Variants in PTER observed in about 807,000 individuals in gnomAD.
PTER encodes N-acetyltaurine hydrolase.
PTER carries 38 observed loss-of-function variants against 29.6 expected under a neutral mutation model. The observed-to-expected ratio is 1.28, with a 90% CI of 0.99 to 1.68. The LOEUF (loss-of-function observed/expected upper bound fraction) is 1.68, where lower values mean the gene tolerates loss of function less well. Among genes scored for constraint, PTER ranks in the 40% most tolerant of loss-of-function variants. The pLI is 0.00. For synonymous variants in PTER, 172 were observed against 154.5 expected (o/e 1.11, Z -0.84); for missense variants, 482 against 427.8 (o/e 1.13, Z -1.12).
intron 1 of PTER, among the ~76,000 whole-genome samples, chr10:16,447,662 G>T (rs1249852094): frequency 6.6e-6 from 1 of 152,038 alleles, no homozygotes; most frequent in Non-Finnish European, 1.5e-5. Flanking sequence ...TTTGTAAGTG[G>T]CTATACTATC....
intron 1 of PTER, among the ~76,000 whole-genome samples, chr10:16,479,103 AG>A (rs202094779): frequency 0.011 from 1,725 of 152,052 alleles, 29 homozygotes; most frequent in African/African-American, 0.04. Context: ...AAAAAAGGAA[AG>A]CTTGGGAATG....
intron 4 of PTER, among the ~76,000 whole-genome samples, chr10:16,508,809 A>G (rs1163596831): frequency 8.5e-5 from 13 of 152,140 alleles, no homozygotes; most frequent in Admixed American, 8.5e-4. Flanking sequence ...TAAGCACTGA[A>G]TGCCCTTTTG....
intron 1 of PTER, among the ~76,000 whole-genome samples, chr10:16,477,438 A>G (rs1343821348): frequency 1.3e-5 from 2 of 152,216 alleles, no homozygotes; most frequent in Non-Finnish European, 2.9e-5. Context: ...CGGCCTTCCA[A>G]AGTGCTGGGA....
intron 1 of PTER, among the ~76,000 whole-genome samples, chr10:16,461,044 C>A (rs1834595586): frequency 6.6e-6 from 1 of 152,078 alleles, no homozygotes; most frequent in Non-Finnish European, 1.5e-5. Context: ...GATATATCGG[C>A]AATATTGTTA....
rs1835622942 is a variant in PTER, at chr10:16,484,735, T to C, written c.351T>C (p.Thr117=). Reference sequence around the variant, plus strand: ...CGTTGAAGAGGCTTGCAGAAGAGACTGGCGTCCATATCATATCTGGAGCCG... The same window carrying C: ...CGTTGAAGAGGCTTGCAGAAGAGACCGGCGTCCATATCATATCTGGAGCCG... ...TQTLKRLAEE[T]GVHIISGAGF... Residue 117 remains threonine (T), a synonymous_variant, in exon 2 of 5, where the codon ACT becomes ACC. Coordinates refer to ENST00000535784, the MANE Select transcript of PTER (RefSeq NM_001261836.2). The C allele has an allele frequency of 1.9e-6, 3 of 1,613,946 alleles. No homozygotes were observed. Among genetic ancestry groups the C allele is most frequent in the South Asian group, 1.1e-5 (1 of 91,070 alleles).
chr10:16,445,033 T>C (rs1369579282), intron 1 of PTER, among the ~76,000 whole-genome samples: 1 of 152,212 alleles, frequency 6.6e-6, no homozygotes, highest in South Asian at 2.1e-4. Context: ...AGGGGTTCAC[T>C]ACACTGCACT....
intron 3 of PTER, among the ~76,000 whole-genome samples, chr10:16,490,755 CT>C (rs1316086914): frequency 6.6e-6 from 1 of 150,902 alleles, no homozygotes; most frequent in Non-Finnish European, 1.5e-5. Flanking sequence ...AAGAAGCTTT[CT>C]ATCTCCATCT....
At chr10:16,475,677 G>A (rs753426546) in intron 1 of PTER, among the ~76,000 whole-genome samples, 1 of 152,166 alleles carries the variant, frequency 6.6e-6, no homozygotes, top group Non-Finnish European at 1.5e-5. Flanking sequence ...CCCACTGTAG[G>A]AAGCACATTC....
intron 1 of PTER, among the ~76,000 whole-genome samples, chr10:16,475,194 G>A (rs1835214118): frequency 6.6e-6 from 1 of 152,136 alleles, no homozygotes; most frequent in South Asian, 2.1e-4. Context: ...CACATTTATA[G>A]CACCATCCCT....
intron 1 of PTER, among the ~76,000 whole-genome samples, chr10:16,438,753 C>A (rs939660220): frequency 6.6e-6 from 1 of 151,184 alleles, no homozygotes; most frequent in African/African-American, 2.4e-5. Flanking sequence ...CATGTGAAAC[C>A]TCTTTTCTTC....
intron 3 of PTER, among the ~76,000 whole-genome samples, chr10:16,491,438 T>G (rs1835894453): frequency 1.3e-5 from 2 of 152,190 alleles, no homozygotes; most frequent in Admixed American, 1.3e-4. Flanking sequence ...ACAGACTCTC[T>G]GAGGTCTGCA....
intron 1 of PTER, among the ~76,000 whole-genome samples, chr10:16,457,434 C>T (rs1834449586): frequency 6.6e-6 from 1 of 152,108 alleles, no homozygotes; most frequent in Non-Finnish European, 1.5e-5. Flanking sequence ...ACGATGGTCT[C>T]GATCTCCTGT....
rs544168552 is a variant in PTER, at chr10:16,470,223, G to A, written c.-48-14114G>A. On this transcript the variant is annotated intron_variant, in intron 1 of 4. Coordinates refer to ENST00000535784, the MANE Select transcript of PTER (RefSeq NM_001261836.2). ...AGAATATCAAGCCAGCAATGCATTC[G>A]TGAAAATTTGAGATAAGAGATGTAA... 3.3e-5 allele frequency among the ~76,000 whole-genome samples: 5 copies of A among 152,240 alleles called. No homozygotes were observed. The South Asian group carries it at 8.3e-4, about 25-fold the overall frequency.
At chr10:16,452,493 G>A (rs1342969869) in intron 1 of PTER, among the ~76,000 whole-genome samples, 2 of 151,762 alleles carry the variant, frequency 1.3e-5, no homozygotes, top group Admixed American at 6.6e-5. Flanking sequence ...GTAGAGATGG[G>A]GTTTTACTAT....
At chr10:16,490,333 C>G (rs1835853031) in intron 3 of PTER, among the ~76,000 whole-genome samples, 2 of 152,072 alleles carry the variant, frequency 1.3e-5, no homozygotes, top group South Asian at 4.1e-4. Context: ...GTGAACTAGC[C>G]AGGGACCATC....
chr10:16,510,908 G>T (rs1159630161), intron 4 of PTER, 138 bp from the exon 5 acceptor site: 7 of 670,806 alleles, frequency 1.0e-5, no homozygotes, highest in African/African-American at 7.2e-5. Context: ...TTTATTAAAG[G>T]TCTCTCAGTA....
rs1836856626 is a variant in PTER, at chr10:16,512,615, A to G, written c.*1359A>G. ...CTTGGGAAGTTGAGCTTTGCTAAATAAAAGATATTTCTGCTGATCAAAGAT... is the reference window on the plus strand; with the variant it reads ...CTTGGGAAGTTGAGCTTTGCTAAATGAAAGATATTTCTGCTGATCAAAGAT... On this transcript the variant is annotated 3_prime_UTR_variant, in exon 5 of 5. Coordinates refer to ENST00000535784, the MANE Select transcript of PTER (RefSeq NM_001261836.2). 1 of 152,164 alleles carries G rather than the reference A, an allele frequency of 6.6e-6. No individual in the cohort carries two copies. The highest frequency in any genetic ancestry group is 2.4e-5 in the African/African-American group (1 of 41,454). 9.4% of individuals were successfully genotyped at this position (152,164 alleles called of 1,614,324 possible).
chr10:16,462,904 T>C (rs1273286720), intron 1 of PTER, among the ~76,000 whole-genome samples: 1 of 151,620 alleles, frequency 6.6e-6, no homozygotes, highest in East Asian at 2.0e-4. Flanking sequence ...CTCCTTAAGA[T>C]TGATGGCTGC....
chr10:16,470,650 C>T (rs574486721), intron 1 of PTER, among the ~76,000 whole-genome samples: 1 of 152,064 alleles, frequency 6.6e-6, no homozygotes, highest in Non-Finnish European at 1.5e-5. Context: ...TGCCCGTAAT[C>T]CCAGCTACTT....
Sources: gnomAD v4.1 joint callset for allele counts (sites outside exome capture counted in the v4.1 genomes callset) on GRCh38, gnomAD v4.1.1 for gene constraint, MANE v1.5 for transcripts, NCBI Gene and HGNC (gene_info 2026-07-23, HGNC 2026-07-21) for gene names.